The following BCAS3 variants were observed in gnomAD, a reference collection of about 807,000 sequenced individuals.
BCAS3 encodes the protein BCAS3 microtubule associated cell migration factor.
In BCAS3, 53 loss-of-function variants were observed where a neutral mutation model predicts 116.1. That is an observed-to-expected ratio of 0.46 (90% CI 0.37 to 0.57). The LOEUF (loss-of-function observed/expected upper bound fraction) is 0.57. BCAS3 is among the 20% of genes least tolerant of loss of function. BCAS3 has a pLI of 0.00. For missense variants in BCAS3, 917 were observed against 1,165.4 expected (o/e 0.79, Z 3.10); for synonymous variants, 391 against 408.2 (o/e 0.96, Z 0.51).
At position 61,366,753 on chromosome 17, in the gene BCAS3, A is replaced by G. The variant is rs559957520; in HGVS notation, c.2426-1574A>G. 2.6e-5 allele frequency among the ~76,000 whole-genome samples: 4 copies of G among 152,308 alleles called. No homozygotes were observed. The South Asian group carries it at 6.2e-4, about 24-fold the overall frequency. Reference sequence around the variant, plus strand: ...TCTTCTTGGGGAGATGCCCTTATAGATGCTGCCCATTCTCCCAGTGCCAGG... The same window carrying G: ...TCTTCTTGGGGAGATGCCCTTATAGGTGCTGCCCATTCTCCCAGTGCCAGG... On this transcript the variant is annotated intron_variant, in intron 22 of 23. Transcript: ENST00000407086. The surrounding 1 kb of genome is among the most constrained non-coding windows in gnomAD (Gnocchi z 4.5).
At chr17:61,000,662 T>C (rs1173387986) in intron 15 of BCAS3, among the ~76,000 whole-genome samples, 1 of 152,126 alleles carries the variant, frequency 6.6e-6, no homozygotes, top group African/African-American at 2.4e-5. Context: ...ACAGTACCTG[T>C]TATCCAGAAA....
At chr17:61,187,431 G>A (rs1306559302) in intron 22 of BCAS3, among the ~76,000 whole-genome samples, 1 of 152,196 alleles carries the variant, frequency 6.6e-6, no homozygotes, top group Non-Finnish European at 1.5e-5. Context: ...GACCAACAGA[G>A]TTACCCATGT....
intron 22 of BCAS3, among the ~76,000 whole-genome samples, chr17:61,275,837 C>A (rs1295876155): frequency 6.6e-6 from 1 of 152,184 alleles, no homozygotes; most frequent in Non-Finnish European, 1.5e-5. Flanking sequence ...TTGCTGCCAT[C>A]TTCCACCTTC....
intron 4 of BCAS3, among the ~76,000 whole-genome samples, chr17:60,696,918 G>A (rs1232305035): frequency 6.6e-6 from 1 of 152,078 alleles, no homozygotes; most frequent in African/African-American, 2.4e-5. Flanking sequence ...TGGGCGCGGT[G>A]GCTCATGCCT....
At position 61,083,931 on chromosome 17, in the gene BCAS3, C is replaced by T. The variant is rs998998409; in HGVS notation, c.2328-536C>T. 2.0e-5 allele frequency among the ~76,000 whole-genome samples: 3 copies of T among 152,080 alleles called. No individual in the cohort carries two copies. Among genetic ancestry groups the T allele is most frequent in the Non-Finnish European group, 4.4e-5 (3 of 68,012 alleles). ...ATAAAGGTAGCTCAGTTAGTAGTGA[C>T]CCACCCCGGCCACAGTACATCTTTG... On this transcript the variant is annotated intron_variant, in intron 21 of 23. Coordinates refer to ENST00000407086, the MANE Select transcript of BCAS3 (RefSeq NM_017679.5). The surrounding 1 kb of genome is among the most constrained non-coding windows in gnomAD (Gnocchi z 4.9).
intron 19 of BCAS3, among the ~76,000 whole-genome samples, chr17:61,070,706 C>T (rs1006541296): frequency 2.0e-5 from 3 of 152,062 alleles, no homozygotes; most frequent in African/African-American, 7.2e-5. Flanking sequence ...ATGGGCCCTT[C>T]CCACAGATAA....
At chr17:60,991,391 A>T (rs748795106) in intron 15 of BCAS3, among the ~76,000 whole-genome samples, 1 of 152,192 alleles carries the variant, frequency 6.6e-6, no homozygotes, top group Non-Finnish European at 1.5e-5. Flanking sequence ...GATAATATGT[A>T]TACTAATTTT....
At chr17:60,845,482 C>T (rs372067891) in intron 7 of BCAS3, among the ~76,000 whole-genome samples, 1 of 152,176 alleles carries the variant, frequency 6.6e-6, no homozygotes, top group African/African-American at 2.4e-5. Flanking sequence ...TGCTTATGAT[C>T]CTTAACAGTG....
intron 22 of BCAS3, among the ~76,000 whole-genome samples, chr17:61,330,587 G>T (rs2056188821): frequency 6.6e-6 from 1 of 152,188 alleles, no homozygotes; most frequent in Non-Finnish European, 1.5e-5. Flanking sequence ...ATGAAGCTGA[G>T]ACTCACATTC....
chr17:60,770,206 G>C (rs1368300720), intron 6 of BCAS3, among the ~76,000 whole-genome samples: 1 of 152,030 alleles, frequency 6.6e-6, no homozygotes, highest in African/African-American at 2.4e-5. Context: ...CTTGAGGCCT[G>C]TATGGGTCAA....
chr17:60,868,762 T>A, intron 8 of BCAS3, 79 bp downstream of exon 8: 1 of 752,710 alleles, frequency 1.3e-6, no homozygotes, highest in Non-Finnish European at 2.1e-6. Context: ...CCAGTTTCAA[T>A]GACTAACTTA....
Position 61,388,742 on chromosome 17 carries a change from G to C in BCAS3, c.2594-3235G>C. 1 of 1,528,464 alleles carries C rather than the reference G, an allele frequency of 6.5e-7. No individual in the cohort carries two copies. The highest frequency in any genetic ancestry group is 1.2e-5 in the South Asian group (1 of 83,092). 94.7% of individuals were successfully genotyped at this position (1,528,464 alleles called of 1,614,324 possible). On this transcript the variant is annotated intron_variant, in intron 23 of 23. Coordinates refer to ENST00000407086, the MANE Select transcript of BCAS3 (RefSeq NM_017679.5). The surrounding 1 kb of genome is among the most constrained non-coding windows in gnomAD (Gnocchi z 6.5). ...ACACGTTTCCATTTGCCGCTTGCTC[G>C]TAGGGCTGGGCGGCCGGGATGACTT...
In BCAS3 at chr17:61,287,724, TCAAAAAA is replaced by T. The variant is rs560522655; in HGVS notation, c.2426-80590_2426-80584del. On this transcript the variant is annotated intron_variant, in intron 22 of 23. Transcript: ENST00000407086. ...CTGGGTGACAGAGTGAGACCCTGTG[TCAAAAAA>T]CAAAAAACAAAACAAAAAAAACACC... Among the ~76,000 whole-genome samples, 88 of 151,686 alleles carry T rather than the reference TCAAAAAA, an allele frequency of 5.8e-4. 1 individual carries two copies. The highest frequency in any genetic ancestry group is 1.9e-3 in the African/African-American group (79 of 41,214).
At chr17:61,031,177 A>T (rs1454368043) in intron 16 of BCAS3, among the ~76,000 whole-genome samples, 1 of 152,058 alleles carries the variant, frequency 6.6e-6, no homozygotes, top group Non-Finnish European at 1.5e-5. Context: ...TGTTGAGAAC[A>T]AGAGAGAAAA....
Position 61,064,433 on chromosome 17 carries a change from C to A in BCAS3, c.2030-10487C>A, listed in dbSNP as rs534171705. On this transcript the variant is annotated intron_variant, in intron 19 of 23. Transcript: ENST00000407086. ...CTCCATTTTATGAGATATTTAGGGCCACTAAGAAGTAAAACTAAATTGTGA... is the reference window on the plus strand; with the variant it reads ...CTCCATTTTATGAGATATTTAGGGCAACTAAGAAGTAAAACTAAATTGTGA... Among the ~76,000 whole-genome samples, 13 of 152,268 alleles carry A rather than the reference C, an allele frequency of 8.5e-5. No individual in the cohort carries two copies. In the South Asian group the frequency reaches 2.7e-3, roughly 32 times the overall value.
chr17:60,981,107 A>T (rs1010021549), intron 14 of BCAS3, among the ~76,000 whole-genome samples: 2 of 152,082 alleles, frequency 1.3e-5, no homozygotes, highest in South Asian at 4.1e-4. Context: ...AAGTGCTGGG[A>T]TTATAGGCAT....
chr17:60,966,901 C>T (rs190442201), intron 14 of BCAS3, among the ~76,000 whole-genome samples: 11 of 152,200 alleles, frequency 7.2e-5, no homozygotes, highest in African/African-American at 2.4e-4. Flanking sequence ...ATGATCTGCC[C>T]TCTAAAAGTG....
chr17:60,982,777 A>G (rs931183955), intron 14 of BCAS3, among the ~76,000 whole-genome samples: 2 of 152,240 alleles, frequency 1.3e-5, no homozygotes, highest in Non-Finnish European at 2.9e-5. Context: ...GTTATAAACA[A>G]CAACTACATG....
At chr17:60,792,170 A>C (rs1008574922) in intron 6 of BCAS3, among the ~76,000 whole-genome samples, 1 of 152,144 alleles carries the variant, frequency 6.6e-6, no homozygotes, top group Admixed American at 6.5e-5. Context: ...GCAATGTTGG[A>C]AATGTTGGGA....
Sources: allele counts gnomAD v4.1 joint callset (sites outside exome capture counted in the v4.1 genomes callset), GRCh38; gene constraint gnomAD v4.1.1; non-coding constraint Gnocchi (gnomAD v3.1); transcripts MANE v1.5; gene names NCBI Gene and HGNC (gene_info 2026-07-23, HGNC 2026-07-21).